Variants in ZNF431 observed in about 807,000 individuals in gnomAD.
ZNF431 encodes zinc finger protein 431.
A neutral mutation model predicts 57.0 loss-of-function variants in ZNF431; 34 were observed. The ratio of observed to expected loss-of-function variants is 0.60; its 90% confidence interval spans 0.45 to 0.79. The LOEUF is 0.79. ZNF431 is among the 30% of genes least tolerant of loss of function. The pLI is 0.00. For synonymous variants in ZNF431, 207 were observed against 220.3 expected (o/e 0.94, Z 0.54); for missense variants, 607 against 667.1 (o/e 0.91, Z 0.99).
intron 2 of ZNF431, chr19:21,150,372 C>T (rs536015377): frequency 5.4e-6 from 2 of 369,966 alleles, no homozygotes; most frequent in African/African-American, 2.1e-5. Context: ...TTCTTGGCCT[C>T]CTGCTTCTTC....
At chr19:21,164,702 C>T (rs748742873) in intron 2 of ZNF431, among the ~76,000 whole-genome samples, 3 of 152,056 alleles carry the variant, frequency 2.0e-5, no homozygotes, top group Non-Finnish European at 4.4e-5. Flanking sequence ...ACTCTGCCTC[C>T]TGGAGTGCCA....
rs1168311284 is a variant in ZNF431 at position 21,192,451 on chromosome 19, T to A, written c.*8417T>A. ...AAAGTGCTGGAATTACAGGCAGGAG[T>A]CACTGCACCTTGCCTGTTTATAATT... is the stretch of plus-strand genomic sequence containing the variant. On this transcript the variant is annotated 3_prime_UTR_variant, in exon 5 of 5. Coordinates refer to ENST00000311048, the MANE Select transcript of ZNF431 (RefSeq NM_133473.4). 2 of 152,022 alleles carry A rather than the reference T, an allele frequency of 1.3e-5. No homozygotes were observed. Among genetic ancestry groups the A allele is most frequent in the Non-Finnish European group, 2.9e-5 (2 of 68,016 alleles). The allele number at this position is 152,022 out of a possible 1,614,324, so 9.4% of individuals were successfully genotyped here.
chr19:21,173,829 A>T (rs1970974662), intron 4 of ZNF431, among the ~76,000 whole-genome samples: 1 of 152,046 alleles, frequency 6.6e-6, no homozygotes, highest in Non-Finnish European at 1.5e-5. Context: ...GCCTGGCCTC[A>T]TTTTTATTTT....
Position 21,148,003 on chromosome 19 carries a change from T to A in ZNF431, c.96+4360T>A, listed in dbSNP as rs189831672. On this transcript the variant is annotated intron_variant, in intron 2 of 4. Transcript: ENST00000311048. ...AATTCTTAGTGAATTTTTTTTAATT[T>A]TTTTTTTTTTGAGACAGAGTCTCGC... Among the ~76,000 whole-genome samples the A allele has an allele frequency of 8.6e-3, 1,302 of 152,038 alleles. 11 individuals carry two copies. Among genetic ancestry groups the A allele is most frequent in the Non-Finnish European group, 0.014 (932 of 67,958 alleles).
intron 2 of ZNF431, among the ~76,000 whole-genome samples, chr19:21,164,728 G>A (rs937885534): frequency 2.0e-5 from 3 of 151,938 alleles, no homozygotes; most frequent in Admixed American, 2.0e-4. Flanking sequence ...TTAGTACTTG[G>A]AAACCTTCTC....
At chr19:21,157,189 G>A (rs1460298309) in intron 2 of ZNF431, among the ~76,000 whole-genome samples, 2 of 152,176 alleles carry the variant, frequency 1.3e-5, no homozygotes, top group Non-Finnish European at 2.9e-5. Context: ...CCAGACTAGA[G>A]TGCAGTGGTA....
rs1036408959 is a variant in ZNF431, at chr19:21,191,976, G to A, written c.*7942G>A. 1.3e-5 allele frequency: 2 copies of A among 152,158 alleles called. No homozygotes were observed. Among genetic ancestry groups the A allele is most frequent in the African/African-American group, 4.8e-5 (2 of 41,440 alleles). 9.4% of individuals were successfully genotyped at this position (152,158 alleles called of 1,614,324 possible). A position where few individuals can be genotyped will look rare whatever the true frequency, so the allele number is the denominator to read the frequency against. Reference sequence around the variant, plus strand: ...AATACAAATATTAATGTCAGTTCATGAATAGTCCATTTATGTATTAATTTC... The same window carrying A: ...AATACAAATATTAATGTCAGTTCATAAATAGTCCATTTATGTATTAATTTC... On this transcript the variant is annotated 3_prime_UTR_variant, in exon 5 of 5. Coordinates refer to ENST00000311048, the MANE Select transcript of ZNF431 (RefSeq NM_133473.4).
At chr19:21,175,467 A>G (rs759740694) in intron 4 of ZNF431, 388 of 695,666 alleles carry the variant, frequency 5.6e-4, no homozygotes, top group Non-Finnish European at 7.3e-4. Context: ...CATGTGCAGG[A>G]TGTGCAGGTT....
intron 1 of ZNF431, among the ~76,000 whole-genome samples, chr19:21,143,333 T>G (rs976833343): frequency 1.3e-5 from 2 of 152,196 alleles, no homozygotes; most frequent in Non-Finnish European, 2.9e-5. Flanking sequence ...GTGCCTTTTC[T>G]CCTTGTATCT....
At chr19:21,146,988 T>G (rs1469578893) in intron 2 of ZNF431, among the ~76,000 whole-genome samples, 2 of 152,238 alleles carry the variant, frequency 1.3e-5, no homozygotes, top group Admixed American at 6.5e-5. Flanking sequence ...TGCCTAACTA[T>G]TCAGTTTTCT....
chr19:21,187,639 G>A lies in ZNF431; in HGVS notation c.*3605G>A, dbSNP rs1247398031. 6.6e-6 allele frequency: 1 copy of A among 152,044 alleles called. No homozygotes were observed. The highest frequency in any genetic ancestry group is 1.5e-5 in the Non-Finnish European group (1 of 68,060). 9.4% of individuals were successfully genotyped at this position (152,044 alleles called of 1,614,324 possible). A position where few individuals can be genotyped will look rare whatever the true frequency, so the allele number is the denominator to read the frequency against. On this transcript the variant is annotated 3_prime_UTR_variant, in exon 5 of 5. Coordinates refer to ENST00000311048, the MANE Select transcript of ZNF431 (RefSeq NM_133473.4). ...TGTAATCCCAGCTACTCGGGAGACT[G>A]AGGCAGGAGAATCGCTTGAACACGA...
rs1466996599 is a variant in ZNF431 at position 21,183,136 on chromosome 19, A to T, written c.833A>T (p.His278Leu). 6.2e-7 allele frequency: 1 copy of T among 1,614,062 alleles called. No homozygotes were observed. The highest frequency in any genetic ancestry group is 2.2e-5 in the East Asian group (1 of 44,856). ...AAGCAGTCCTCAACCCTTACTACACATAAGATAATTCATACTGGGGAGAAA... is the reference window on the plus strand; with the variant it reads ...AAGCAGTCCTCAACCCTTACTACACTTAAGATAATTCATACTGGGGAGAAA... ...AFKQSSTLTT[H>L]KIIHTGEKPY... is the part of the protein sequence containing the mutation. Residue 278 changes from histidine (H) to leucine (L), a missense_variant, in exon 5 of 5, where the codon CAT becomes CTT. Transcript: ENST00000311048.
chr19:21,161,435 A>G (rs1296317753), intron 2 of ZNF431, among the ~76,000 whole-genome samples: 1 of 152,196 alleles, frequency 6.6e-6, no homozygotes, highest in Non-Finnish European at 1.5e-5. Context: ...CATATATATC[A>G]TCTGATAAAA....
At position 21,183,556 on chromosome 19, in the gene ZNF431, A is replaced by G. The variant is rs1422866892; in HGVS notation, c.1253A>G (p.His418Arg). 3.1e-6 allele frequency: 5 copies of G among 1,613,448 alleles called. No individual in the cohort carries two copies. The highest frequency in any genetic ancestry group is 2.2e-5 in the East Asian group (1 of 44,872). Residue 418 changes from histidine (H) to arginine (R), a missense_variant, in exon 5 of 5, where the codon CAT (histidine) becomes CGT (arginine). By Grantham distance (29) the His-to-Arg change is conservative. Coordinates refer to ENST00000311048, the MANE Select transcript of ZNF431 (RefSeq NM_133473.4). ...AFNESSNLTT[H>R]KMIHTGEKPY... ...AATGAGTCCTCAAACCTTACTACAC[A>G]TAAGATGATTCATACTGGAGAGAAA...
At chr19:21,180,114 G>A (rs1023414403) in intron 4 of ZNF431, among the ~76,000 whole-genome samples, 1 of 152,202 alleles carries the variant, frequency 6.6e-6, no homozygotes, top group African/African-American at 2.4e-5. Flanking sequence ...CCCAAACTGT[G>A]TCATGACTCT....
intron 2 of ZNF431, among the ~76,000 whole-genome samples, chr19:21,151,548 G>T (rs1970273386): frequency 6.6e-6 from 1 of 152,098 alleles, no homozygotes; most frequent in Admixed American, 6.6e-5. Context: ...AAATAAGAAA[G>T]TACTCATTCC....
At chr19:21,147,225 G>A (rs1166485249) in intron 2 of ZNF431, among the ~76,000 whole-genome samples, 2 of 152,116 alleles carry the variant, frequency 1.3e-5, no homozygotes, top group East Asian at 3.9e-4. Flanking sequence ...AGTGGCTCCT[G>A]CCTGTAATCT....
At chr19:21,156,722 T>G (rs1028842176) in intron 2 of ZNF431, among the ~76,000 whole-genome samples, 1 of 152,052 alleles carries the variant, frequency 6.6e-6, no homozygotes, top group Admixed American at 6.6e-5. Flanking sequence ...GGCCACATAA[T>G]CTTCCATGAT....
chr19:21,154,076 A>T (rs532837858), intron 2 of ZNF431, among the ~76,000 whole-genome samples: 128 of 152,216 alleles, frequency 8.4e-4, no homozygotes, highest in African/African-American at 3.0e-3. Context: ...CACAACGTGC[A>T]GGTTAGTTAT....
Sources: gnomAD v4.1 joint callset for allele counts (sites outside exome capture counted in the v4.1 genomes callset) on GRCh38, gnomAD v4.1.1 for gene constraint, MANE v1.5 for transcripts, NCBI Gene and HGNC (gene_info 2026-07-23, HGNC 2026-07-21) for gene names.